The following TBC1D5 variants were observed in gnomAD, a reference collection of about 807,000 sequenced individuals.
TBC1D5 encodes the protein TBC1 domain family, member 5.
TBC1D5 carries 75 observed loss-of-function variants against 100.3 expected under a neutral mutation model. That is an observed-to-expected ratio of 0.75 (90% CI 0.62 to 0.91). The LOEUF is 0.91. Among genes scored for constraint, TBC1D5 ranks in the 40% least tolerant of loss-of-function variants. TBC1D5 has a pLI of 0.00. For synonymous variants in TBC1D5, 323 were observed against 325.6 expected, an observed-to-expected ratio of 0.99 and a Z score of 0.09; for missense variants, 910 against 942.4, an observed-to-expected ratio of 0.97 and a Z score of 0.45.
chr3:17,374,714 A>C (rs1350681435), intron 10 of TBC1D5, 35 bp from the exon 11 acceptor site: 1 of 1,598,750 alleles, frequency 6.3e-7, no homozygotes, highest in African/African-American at 1.3e-5. Context: ...AAAATGTGTA[A>C]TTTTTGAATA....
intron 2 of TBC1D5, among the ~76,000 whole-genome samples, chr3:17,587,189 C>T (rs2096738211): frequency 6.6e-6 from 1 of 151,854 alleles, no homozygotes; most frequent in Non-Finnish European, 1.5e-5. Flanking sequence ...GATATATTTA[C>T]ATAAAATCTG....
intron 4 of TBC1D5, among the ~76,000 whole-genome samples, chr3:17,421,883 T>C (rs1301712881): frequency 6.6e-6 from 1 of 152,158 alleles, no homozygotes; most frequent in Admixed American, 6.6e-5. Context: ...CTTAACATTA[T>C]ATAGATCCTC....
intron 2 of TBC1D5, among the ~76,000 whole-genome samples, chr3:17,589,743 A>C (rs1029465865): frequency 1.3e-5 from 2 of 152,150 alleles, no homozygotes; most frequent in Non-Finnish European, 2.9e-5. Context: ...TCAGTCATTT[A>C]ATATTTGTTG....
chr3:17,332,409 T>C (rs1278383909), intron 13 of TBC1D5, among the ~76,000 whole-genome samples: 1 of 152,150 alleles, frequency 6.6e-6, no homozygotes, highest in African/African-American at 2.4e-5. Context: ...GTCAGCACAA[T>C]CTTGCGGATC....
intron 3 of TBC1D5, among the ~76,000 whole-genome samples, chr3:17,428,725 C>T (rs56757867): frequency 0.091 from 13,856 of 151,884 alleles, 1,424 homozygotes; most frequent in African/African-American, 0.26. Context: ...CTAGACTGGA[C>T]AGTAACAGTA....
chr3:17,705,932 C>G (rs1045174024), intron 1 of TBC1D5: 3 of 1,138,804 alleles, frequency 2.6e-6, no homozygotes, highest in Non-Finnish European at 3.6e-6. Flanking sequence ...GGGGCCCGTC[C>G]GCTCCTCCAG....
At chr3:17,475,075 T>C (rs904227431) in intron 3 of TBC1D5, among the ~76,000 whole-genome samples, 10 of 152,160 alleles carry the variant, frequency 6.6e-5, no homozygotes, top group African/African-American at 2.4e-4. Context: ...TTTTCAATTG[T>C]GTTCATATTC....
chr3:17,594,235 T>C (rs1190967001), intron 2 of TBC1D5, among the ~76,000 whole-genome samples: 1 of 152,200 alleles, frequency 6.6e-6, no homozygotes, highest in East Asian at 1.9e-4. Context: ...ATCAGTGTAC[T>C]ACTCCACAAC....
At chr3:17,417,341 C>A (rs1388408711) in intron 4 of TBC1D5, among the ~76,000 whole-genome samples, 1 of 141,340 alleles carries the variant, frequency 7.1e-6, no homozygotes, top group African/African-American at 2.7e-5. Context: ...TCCCTCCCCC[C>A]TCCCCCTACC....
chr3:17,303,256 C>T (rs894960615), intron 14 of TBC1D5, among the ~76,000 whole-genome samples: 4 of 152,192 alleles, frequency 2.6e-5, no homozygotes, highest in African/African-American at 9.7e-5. Context: ...CAAACTATTG[C>T]TTCCTATCAT....
intron 2 of TBC1D5, among the ~76,000 whole-genome samples, chr3:17,534,142 G>C (rs928375826): frequency 1.3e-5 from 2 of 152,098 alleles, no homozygotes; most frequent in Non-Finnish European, 2.9e-5. Context: ...GAGGGCCCCT[G>C]TTCCAGAATT....
At chr3:17,241,971 G>A (rs899216716) in intron 16 of TBC1D5, among the ~76,000 whole-genome samples, 1 of 152,168 alleles carries the variant, frequency 6.6e-6, no homozygotes, top group Non-Finnish European at 1.5e-5. Flanking sequence ...TATTTAAAAA[G>A]TAAGTTTTGC....
chr3:17,517,489 G>A (rs988695864), intron 2 of TBC1D5, among the ~76,000 whole-genome samples: 1 of 152,056 alleles, frequency 6.6e-6, no homozygotes, highest in South Asian at 2.1e-4. Flanking sequence ...AATAATAAAA[G>A]AACCACATAC....
At chr3:17,370,783 T>A (rs2092411798) in intron 13 of TBC1D5, among the ~76,000 whole-genome samples, 1 of 152,106 alleles carries the variant, frequency 6.6e-6, no homozygotes, top group South Asian at 2.1e-4. Context: ...CTGCTCTGGG[T>A]GACTTGTTTG....
chr3:17,553,996 T>G (rs1425986674), intron 2 of TBC1D5, among the ~76,000 whole-genome samples: 2 of 152,214 alleles, frequency 1.3e-5, no homozygotes, highest in African/African-American at 4.8e-5. Context: ...TTCAGCCTAC[T>G]ACGTCAGTTT....
chr3:17,529,543 A>G (rs1576533623), intron 2 of TBC1D5, among the ~76,000 whole-genome samples: 1 of 152,170 alleles, frequency 6.6e-6, no homozygotes, highest in Admixed American at 6.5e-5. Context: ...GTTTACATAT[A>G]TACATATATG....
At chr3:17,367,977 T>G (rs981491659) in intron 13 of TBC1D5, among the ~76,000 whole-genome samples, 1 of 134,126 alleles carries the variant, frequency 7.5e-6, no homozygotes, top group African/African-American at 2.7e-5. Context: ...TAAATTACCT[T>G]TAGGATATAT....
rs550775604 is a variant in TBC1D5 at position 17,452,535 on chromosome 3, T to A, written c.98-24016A>T. On this transcript the variant is annotated intron_variant, in intron 3 of 21. Coordinates refer to ENST00000253692, the Ensembl canonical transcript of TBC1D5. ...CAAAAAAGAAGAAAAGTAGTTATAC[T>A]TACATCAGACAAAATAGATATCCAG... Among the ~76,000 whole-genome samples the A allele has an allele frequency of 6.6e-5, 10 of 152,160 alleles. No individual in the cohort carries two copies. In the East Asian group the frequency reaches 1.7e-3, roughly 26 times the overall value.
intron 13 of TBC1D5, among the ~76,000 whole-genome samples, chr3:17,371,273 A>T (rs1236484688): frequency 6.6e-6 from 1 of 152,206 alleles, no homozygotes; most frequent in African/African-American, 2.4e-5. Context: ...GATATAATGG[A>T]AAGAACATGA....
Sources: gnomAD v4.1 joint callset for allele counts (sites outside exome capture counted in the v4.1 genomes callset) on GRCh38, gnomAD v4.1.1 for gene constraint, MANE v1.5 for transcripts, NCBI Gene and HGNC (gene_info 2026-07-23, HGNC 2026-07-21) for gene names.